PAK2: variants seen among roughly 807,000 people sequenced by gnomAD.
PAK2 encodes serine/threonine-protein kinase PAK 2.
In PAK2, 21 loss-of-function variants were observed where a neutral mutation model predicts 65.9. The observed-to-expected ratio is 0.32, with a 90% CI of 0.23 to 0.46. PAK2 has a LOEUF of 0.46. Ranked by LOEUF, PAK2 falls within the 20% of genes least tolerant of loss-of-function variation. The pLI is 1.00. For missense variants in PAK2, 324 were observed against 642.6 expected (o/e 0.50, Z 5.36); for synonymous variants, 204 against 219.7 (o/e 0.93, Z 0.63).
chr3:196,800,491 C>T (rs781373720), intron 2 of PAK2, among the ~76,000 whole-genome samples: 5 of 152,120 alleles, frequency 3.3e-5, no homozygotes, highest in Non-Finnish European at 7.3e-5. Flanking sequence ...AATTAATAAG[C>T]TTATTCTAAA....
chr3:196,814,936 T>C (rs559881108), intron 11 of PAK2, among the ~76,000 whole-genome samples: 50 of 152,138 alleles, frequency 3.3e-4, no homozygotes, highest in African/African-American at 7.7e-4. Flanking sequence ...TCCCAGCACT[T>C]TGGGAGGCCG....
intron 1 of PAK2, among the ~76,000 whole-genome samples, chr3:196,776,323 A>G (rs1714532754): frequency 6.6e-6 from 1 of 152,226 alleles, no homozygotes; most frequent in Non-Finnish European, 1.5e-5. Flanking sequence ...GGAAGTACTC[A>G]TAAGGTACTT....
At chr3:196,799,559 C>T (rs1715356494) in intron 2 of PAK2, among the ~76,000 whole-genome samples, 1 of 152,208 alleles carries the variant, frequency 6.6e-6, no homozygotes, top group Non-Finnish European at 1.5e-5. Flanking sequence ...ATGCCTTCGG[C>T]TACGTTATGA....
rs192987666 is a variant in PAK2, at chr3:196,746,351, G to A, written c.-22+6194G>A. ...GATGCTATTGTAACATTTAGATGAT[G>A]ATATGGTTTTCTTCTTTTAACTATT... On this transcript the variant is annotated intron_variant, in intron 1 of 14. Coordinates refer to ENST00000327134, the MANE Select transcript of PAK2 (RefSeq NM_002577.4). Among the ~76,000 whole-genome samples the A allele has an allele frequency of 3.9e-3, 597 of 152,252 alleles. 1 individual carries two copies. The highest frequency in any genetic ancestry group is 0.014 in the African/African-American group (577 of 41,526).
intron 1 of PAK2, among the ~76,000 whole-genome samples, chr3:196,774,364 A>T (rs1463699575): frequency 6.6e-6 from 1 of 152,126 alleles, no homozygotes; most frequent in Admixed American, 6.6e-5. Context: ...AACAAGGCAG[A>T]TGGACTAGAT....
At chr3:196,811,344 CCCTT>C (rs1411084984) in intron 8 of PAK2, among the ~76,000 whole-genome samples, 115 of 13,200 alleles carry the variant, frequency 8.7e-3, no homozygotes, top group Non-Finnish European at 0.012. Context: ...TCCCTTCCCT[CCCTT>C]CCTTCCCTCC....
Position 196,830,989 on chromosome 3 carries a change from C to T in PAK2, c.*2584C>T, listed in dbSNP as rs770217934. 3.9e-5 allele frequency: 6 copies of T among 152,290 alleles called. No individual in the cohort carries two copies. The highest frequency in any genetic ancestry group is 8.8e-5 in the Non-Finnish European group (6 of 68,052). 9.4% of individuals were successfully genotyped at this position (152,290 alleles called of 1,614,324 possible). On this transcript the variant is annotated 3_prime_UTR_variant, in exon 15 of 15. Transcript: ENST00000327134. ...GCAACCTCCGCTTCCTGGGTTCAAG[C>T]AATTCTCATGCCTCAGCCTCCTGAG...
At chr3:196,773,133 AACAGTGGGCCTCTTAGAAGAGT>A (rs1339743938) in intron 1 of PAK2, among the ~76,000 whole-genome samples, 6 of 152,164 alleles carry the variant, frequency 3.9e-5, no homozygotes, top group African/African-American at 1.4e-4. Flanking sequence ...GTCACAGTTA[AACAGTGGGCCTCTTAGAAGAGT>A]ACAGTGTGTT....
At chr3:196,789,691 C>T (rs1715005522) in intron 2 of PAK2, among the ~76,000 whole-genome samples, 1 of 152,144 alleles carries the variant, frequency 6.6e-6, no homozygotes. Flanking sequence ...TCTCGAACTC[C>T]TGACCTCAGG....
chr3:196,800,236 G>A (rs1053752792), intron 2 of PAK2, among the ~76,000 whole-genome samples: 1 of 152,060 alleles, frequency 6.6e-6, no homozygotes, highest in African/African-American at 2.4e-5. Context: ...ATAAAAATCA[G>A]CCTGGTATGA....
At chr3:196,815,439 C>T (rs897762040) in intron 11 of PAK2, among the ~76,000 whole-genome samples, 5 of 150,842 alleles carry the variant, frequency 3.3e-5, no homozygotes, top group Admixed American at 6.6e-5. Context: ...TTGCAGTGAG[C>T]CAAAATTGCG....
intron 10 of PAK2, among the ~76,000 whole-genome samples, chr3:196,813,317 G>T (rs1370286721): frequency 2.0e-5 from 3 of 152,032 alleles, no homozygotes; most frequent in Non-Finnish European, 2.9e-5. Flanking sequence ...TATTGGCTGG[G>T]TGCAGTGGCT....
rs912842624 is a variant in PAK2 at position 196,813,112 on chromosome 3, G to A, written c.935+261G>A. On this transcript the variant is annotated intron_variant, in intron 10 of 14. Transcript: ENST00000327134. ...ATACTCATCGCAAACGACCTGAAGC[G>A]AACACATGAATGGTTGGCTGTGATT... Among the ~76,000 whole-genome samples, 8 of 152,220 alleles carry A rather than the reference G, an allele frequency of 5.3e-5. No homozygotes were observed. In the East Asian group the frequency reaches 5.8e-4, roughly 11 times the overall value.
intron 1 of PAK2, among the ~76,000 whole-genome samples, chr3:196,771,837 C>T (rs375267876): frequency 5.3e-5 from 8 of 152,138 alleles, no homozygotes; most frequent in South Asian, 2.1e-4. Flanking sequence ...GGATTACAGG[C>T]GTGAGCTACC....
chr3:196,763,886 C>T (rs563529660), intron 1 of PAK2, among the ~76,000 whole-genome samples: 11 of 152,108 alleles, frequency 7.2e-5, no homozygotes, highest in Admixed American at 2.6e-4. Flanking sequence ...GCAAGCTCTG[C>T]CTCCTGGGTT....
intron 4 of PAK2, among the ~76,000 whole-genome samples, chr3:196,804,860 C>A (rs1007455142): frequency 6.8e-6 from 1 of 147,442 alleles, no homozygotes; most frequent in East Asian, 1.9e-4. Flanking sequence ...CACACATATA[C>A]ACACACACAC....
At position 196,808,371 on chromosome 3, in the gene PAK2, G is replaced by C. The variant is rs556461207; in HGVS notation, c.709+457G>C. 8.8e-4 allele frequency among the ~76,000 whole-genome samples: 134 copies of C among 151,832 alleles called. 1 individual carries two copies. The highest frequency in any genetic ancestry group is 3.4e-3 in the Middle Eastern group (1 of 292). The stretch of plus-strand genomic sequence containing the variant: ...AGGTCAGGAGATCGAGACCATCCTG[G>C]CCAGTATGGTGAAACCCCTCCTCTA... On this transcript the variant is annotated intron_variant, in intron 7 of 14. Coordinates refer to ENST00000327134, the MANE Select transcript of PAK2 (RefSeq NM_002577.4).
chr3:196,765,205 T>G (rs1177054954), intron 1 of PAK2, among the ~76,000 whole-genome samples: 3 of 143,856 alleles, frequency 2.1e-5, no homozygotes, highest in African/African-American at 7.8e-5. Context: ...TGGAGTGCAG[T>G]GGCGTGATCT....
At chr3:196,821,031 G>T (rs1302961689) in intron 13 of PAK2, among the ~76,000 whole-genome samples, 1 of 151,924 alleles carries the variant, frequency 6.6e-6, no homozygotes, top group African/African-American at 2.4e-5. Flanking sequence ...ATAGAGACGG[G>T]GTCTCTCCAT....
Sources: allele counts gnomAD v4.1 joint callset (sites outside exome capture counted in the v4.1 genomes callset), GRCh38; gene constraint gnomAD v4.1.1; transcripts MANE v1.5; gene names NCBI Gene and HGNC (gene_info 2026-07-23, HGNC 2026-07-21).